The following PACRG variants were observed in gnomAD, a reference collection of about 807,000 sequenced individuals.
PACRG encodes parkin coregulated gene protein.
In PACRG, 29 loss-of-function variants were observed where a neutral mutation model predicts 29.7. That is an observed-to-expected ratio of 0.98 (90% CI 0.73 to 1.33). The LOEUF is 1.33. Among genes scored for constraint, PACRG ranks in the 40% most tolerant of loss-of-function variants. PACRG has a pLI of 0.00. For missense variants in PACRG, 279 were observed against 316.2 expected, an observed-to-expected ratio of 0.88 and a Z score of 0.89; for synonymous variants, 116 against 118.7, an observed-to-expected ratio of 0.98 and a Z score of 0.15.
At position 163,152,221 on chromosome 6, in the gene PACRG, TTAAC is replaced by T. The variant is rs1452718740; in HGVS notation, c.613+62817_613+62820del. Among the ~76,000 whole-genome samples the T allele has an allele frequency of 3.9e-5, 6 of 152,336 alleles. No homozygotes were observed. The South Asian group carries it at 6.2e-4, about 16-fold the overall frequency. ...GAAGTGTTCAAGCATTATTTCATCT[TTAAC>T]TAATTAGTGAGAAAAAGGAAATTAT... On this transcript the variant is annotated intron_variant, in intron 4 of 4. Coordinates refer to ENST00000366888, the MANE Select transcript of PACRG (RefSeq NM_001080379.2).
intron 1 of PACRG, among the ~76,000 whole-genome samples, chr6:162,813,531 T>C (rs567359799): frequency 3.3e-5 from 5 of 152,138 alleles, no homozygotes; most frequent in Non-Finnish European, 7.4e-5. Context: ...TCATCAGTTC[T>C]AATTTCTCAC....
chr6:162,931,335 G>T (rs1281764335), intron 2 of PACRG, among the ~76,000 whole-genome samples: 3 of 151,708 alleles, frequency 2.0e-5, no homozygotes, highest in Admixed American at 6.6e-5. Flanking sequence ...ACGAGGTCCA[G>T]TTTTATCAAT....
intron 2 of PACRG, among the ~76,000 whole-genome samples, chr6:162,980,652 A>G: frequency 6.6e-6 from 1 of 152,162 alleles, no homozygotes; most frequent in East Asian, 1.9e-4. Flanking sequence ...TACAGAGACA[A>G]AGCTAAATGC....
intron 4 of PACRG, among the ~76,000 whole-genome samples, chr6:163,103,678 G>A (rs1039767042): frequency 1.3e-5 from 2 of 152,212 alleles, no homozygotes; most frequent in African/African-American, 4.8e-5. Context: ...AGGAACATCT[G>A]TAGAATTGAG....
intron 4 of PACRG, among the ~76,000 whole-genome samples, chr6:163,177,710 A>ATTTT (rs398003265): frequency 0.011 from 588 of 53,726 alleles, 80 homozygotes; most frequent in African/African-American, 0.027. Flanking sequence ...TAGAAAAGGG[A>ATTTT]TTTTTTTTTT....
chr6:163,301,801 G>A (rs555201203), intron 4 of PACRG, among the ~76,000 whole-genome samples: 30 of 152,262 alleles, frequency 2.0e-4, no homozygotes, highest in South Asian at 4.1e-4. Context: ...TCAACAGCAC[G>A]TTAAATTAAT....
chr6:162,927,716 C>T (rs1040301983), intron 2 of PACRG, among the ~76,000 whole-genome samples: 8 of 152,000 alleles, frequency 5.3e-5, no homozygotes, highest in East Asian at 1.9e-4. Flanking sequence ...TGGGTTGATA[C>T]GTGCAGCAAA....
At chr6:163,257,694 CAGAT>C (rs1783169834) in intron 4 of PACRG, among the ~76,000 whole-genome samples, 1 of 152,184 alleles carries the variant, frequency 6.6e-6, no homozygotes, top group African/African-American at 2.4e-5. Flanking sequence ...AGTGTATGAA[CAGAT>C]AGATTGATTG....
At chr6:163,117,222 A>G (rs1416402726) in intron 4 of PACRG, among the ~76,000 whole-genome samples, 1 of 152,214 alleles carries the variant, frequency 6.6e-6, no homozygotes, top group African/African-American at 2.4e-5. Flanking sequence ...TGGAACTCCC[A>G]GTCACACTTG....
At chr6:162,775,506 C>G (rs941947120) in intron 1 of PACRG, among the ~76,000 whole-genome samples, 12 of 152,054 alleles carry the variant, frequency 7.9e-5, no homozygotes, top group African/African-American at 2.4e-4. Context: ...AACTTAAATG[C>G]CCTTTGATAA....
intron 4 of PACRG, among the ~76,000 whole-genome samples, chr6:163,141,262 T>C (rs1214296365): frequency 6.6e-6 from 1 of 152,014 alleles, no homozygotes; most frequent in East Asian, 1.9e-4. Flanking sequence ...ATTTCCGACA[T>C]ACAAAGATGA....
intron 2 of PACRG, among the ~76,000 whole-genome samples, chr6:162,880,922 T>C (rs1793784847): frequency 6.6e-6 from 1 of 152,252 alleles, no homozygotes; most frequent in Admixed American, 6.5e-5. Context: ...GCGTGGCAGC[T>C]GCACTGCATT....
chr6:163,073,840 A>G (rs112321078), intron 3 of PACRG, among the ~76,000 whole-genome samples: 7 of 152,264 alleles, frequency 4.6e-5, no homozygotes, highest in African/African-American at 1.7e-4. Flanking sequence ...GGTTCTCGAC[A>G]TAATTGATCA....
chr6:162,998,742 A>G (rs1804313990), intron 2 of PACRG, among the ~76,000 whole-genome samples: 1 of 152,222 alleles, frequency 6.6e-6, no homozygotes, highest in Non-Finnish European at 1.5e-5. Context: ...TCTTACCCCA[A>G]GATTACATTA....
intron 1 of PACRG, among the ~76,000 whole-genome samples, chr6:162,760,466 G>T (rs187638321): frequency 1.3e-5 from 2 of 152,148 alleles, no homozygotes; most frequent in Non-Finnish European, 2.9e-5. Context: ...TGTGAGAGAA[G>T]GGGGACAGTG....
At chr6:163,254,189 C>T (rs1355032016) in intron 4 of PACRG, among the ~76,000 whole-genome samples, 1 of 152,208 alleles carries the variant, frequency 6.6e-6, no homozygotes, top group African/African-American at 2.4e-5. Flanking sequence ...TGTAATATGT[C>T]TGATCTTAAA....
At chr6:162,849,416 C>A (rs1031156407) in intron 2 of PACRG, among the ~76,000 whole-genome samples, 2 of 152,234 alleles carry the variant, frequency 1.3e-5, no homozygotes, top group Non-Finnish European at 1.5e-5. Flanking sequence ...ATGCATGCCC[C>A]ATTCCCAGTG....
intron 4 of PACRG, among the ~76,000 whole-genome samples, chr6:163,194,637 T>G (rs1780365715): frequency 6.6e-6 from 1 of 152,188 alleles, no homozygotes; most frequent in Admixed American, 6.5e-5. Context: ...CATAGTGGCA[T>G]ACCTACACTG....
chr6:163,227,480 C>G (rs1781852986), intron 4 of PACRG, among the ~76,000 whole-genome samples: 1 of 152,178 alleles, frequency 6.6e-6, no homozygotes, highest in African/African-American at 2.4e-5. Context: ...CACTGCTGTT[C>G]TAATGAGTTA....
Sources: gnomAD v4.1 joint callset for allele counts (sites outside exome capture counted in the v4.1 genomes callset) on GRCh38, gnomAD v4.1.1 for gene constraint, MANE v1.5 for transcripts, NCBI Gene and HGNC (gene_info 2026-07-23, HGNC 2026-07-21) for gene names.